Variants in MTERF4 observed in about 807,000 individuals in gnomAD.
MTERF4 encodes transcription termination factor 4, mitochondrial.
Under a neutral mutation model 22.5 loss-of-function variants are expected in MTERF4, and 17 were observed. The ratio of observed to expected loss-of-function variants is 0.75; its 90% CI spans 0.52 to 1.13. The LOEUF (loss-of-function observed/expected upper bound fraction) is 1.13. Ranked by LOEUF, MTERF4 falls within the 50% of genes most tolerant of loss-of-function variation. The pLI, the probability that MTERF4 is intolerant of heterozygous loss-of-function variation, is 0.00. For synonymous variants in MTERF4, 165 were observed against 175.3 expected (o/e 0.94, Z 0.47); for missense variants, 420 against 466.8 (o/e 0.90, Z 0.92).
At chr2:241,095,264 T>C (rs1036091933), downstream of MTERF4, 1 of 152,684 alleles carries the variant, frequency 6.5e-6, no homozygotes, top group African/African-American at 2.4e-5. Flanking sequence ...AGTCTGGCAC[T>C]ACAGACTACA....
chr2:241,049,100 T>G, the MTERF4 span: 2 of 1,612,250 alleles, frequency 1.2e-6, no homozygotes, highest in Non-Finnish European at 1.7e-6. Flanking sequence ...GGGAGCTACC[T>G]CTGCGTCTGC....
chr2:241,053,397 C>A, the MTERF4 span: 1 of 1,447,502 alleles, frequency 6.9e-7, no homozygotes, highest in Non-Finnish European at 9.3e-7. Context: ...TGTGGAGGAG[C>A]ACAGGGGCTG....
downstream of MTERF4, chr2:241,071,929 C>A: frequency 7.1e-7 from 1 of 1,402,284 alleles, no homozygotes; most frequent in Non-Finnish European, 9.9e-7. Context: ...CTCGTCCTCA[C>A]TGCCACTCTC....
chr2:241,076,829 G>C (rs6736847), intron 4 of MTERF4, among the ~76,000 whole-genome samples: 40,161 of 151,902 alleles, frequency 0.26, 7,026 homozygotes, highest in African/African-American at 0.5. Context: ...CAGTGGCTCA[G>C]GCCTGTAATC....
At chr2:241,048,570 G>A in the MTERF4 span, 1 of 1,497,710 alleles carries the variant, frequency 6.7e-7, no homozygotes, top group East Asian at 2.5e-5. Flanking sequence ...CAATTTGTAT[G>A]GGAAGTTGGC....
At chr2:241,046,074 A>T in the MTERF4 span, among the ~76,000 whole-genome samples, 4 of 152,240 alleles carry the variant, frequency 2.6e-5, no homozygotes, top group African/African-American at 7.2e-5. Flanking sequence ...CTTGTCATTA[A>T]TATCAGCCAT....
chr2:241,049,796 C>T, the MTERF4 span: 1 of 1,590,830 alleles, frequency 6.3e-7, no homozygotes, highest in Admixed American at 1.7e-5. Flanking sequence ...TCCAGGACCA[C>T]CCTCTGTCCC....
At chr2:241,068,370 C>T (rs556551306), downstream of MTERF4, among the ~76,000 whole-genome samples, 281 of 151,128 alleles carry the variant, frequency 1.9e-3, 2 homozygotes, top group African/African-American at 6.5e-3. The surrounding 1 kb of genome is among the most constrained non-coding windows in gnomAD (Gnocchi z 5.3). Flanking sequence ...GTAGCAGCCC[C>T]GAGCTCTCCC....
downstream of MTERF4, chr2:241,068,068 C>A: frequency 1.1e-6 from 1 of 947,192 alleles, no homozygotes; most frequent in Non-Finnish European, 1.6e-6. This position sits in a 1 kb window ranked among gnomAD's most constrained non-coding sequence, Gnocchi z 5.3. Flanking sequence ...CCGCTCCTCA[C>A]CTGAGCGGAG....
rs560903070 is a variant in MTERF4, at chr2:241,097,433, G to T, written c.521-6C>A. 1.7e-5 allele frequency: 28 copies of T among 1,604,420 alleles called. No individual in the cohort carries two copies. Among genetic ancestry groups the T allele is most frequent in the Non-Finnish European group, 2.1e-5 (25 of 1,174,996 alleles). ...AAGCACCCTCTTTAATTTCCCTGCA[G>T]AACATTCAAAAAAGGCAAGCATATA... On this transcript the variant is annotated splice_region_variant and splice_polypyrimidine_tract_variant and intron_variant, in intron 2 of 3. Transcript: ENST00000391980.
At chr2:241,062,008 TGGA>T in the MTERF4 span, among the ~76,000 whole-genome samples, 1 of 152,206 alleles carries the variant, frequency 6.6e-6, no homozygotes, top group Non-Finnish European at 1.5e-5. Context: ...ACCTACAGTG[TGGA>T]GTTCTCTTCT....
At chr2:241,081,795 T>A in intron 4 of MTERF4, 1 of 1,574,032 alleles carries the variant, frequency 6.4e-7, no homozygotes, top group Non-Finnish European at 8.6e-7. Context: ...GCGAGCTCGG[T>A]AAGTCGGGGC....
At chr2:241,090,378 G>A, downstream of MTERF4, 1 of 1,550,058 alleles carries the variant, frequency 6.5e-7, no homozygotes, top group South Asian at 1.2e-5. Context: ...GCCTTCTTCT[G>A]GAAACCTCCT....
chr2:241,064,168 G>A, the MTERF4 span: 1 of 1,363,888 alleles, frequency 7.3e-7, no homozygotes, highest in Non-Finnish European at 1.0e-6. The surrounding 1 kb of genome is among the most constrained non-coding windows in gnomAD (Gnocchi z 7.0). Context: ...CTGCCCGCCT[G>A]CTCCCCGCCC....
downstream of MTERF4, chr2:241,082,411 T>C (rs1238828653): frequency 1.4e-6 from 2 of 1,463,370 alleles, no homozygotes; most frequent in East Asian, 2.3e-5. Flanking sequence ...TCGTGTGTTC[T>C]TGACTCCTCA....
At chr2:241,065,014 A>C in the MTERF4 span, 1 of 1,337,392 alleles carries the variant, frequency 7.5e-7, no homozygotes, top group African/African-American at 1.5e-5. Flanking sequence ...CTCTCCCTAG[A>C]GGGCCCAACG....
At position 241,099,822 on chromosome 2, in the gene MTERF4, G is replaced by A. The variant is rs761781566; in HGVS notation, c.94C>T (p.Gln32Ter). ...MARQTPHLGE[Q>*]RRTTASLLRK... Reference sequence around the variant, plus strand: ...AACAAAGAAGCTGTCGTCCTTCTCTGTTCTCCAAGATGAGGAGTCTGCCTA... The same window carrying A: ...AACAAAGAAGCTGTCGTCCTTCTCTATTCTCCAAGATGAGGAGTCTGCCTA... Residue 32 changes from glutamine to a stop codon, truncating the protein, a stop_gained, in exon 2 of 4, where the codon CAG (glutamine) becomes TAG (stop). Transcript: ENST00000391980. LOFTEE classifies it high-confidence loss of function. The A allele has an allele frequency of 1.2e-6, 2 of 1,614,076 alleles. No individual in the cohort carries two copies. The highest frequency in any genetic ancestry group is 1.7e-5 in the Admixed American group (1 of 60,028).
the MTERF4 span, among the ~76,000 whole-genome samples, chr2:241,047,146 CAAAAA>C: frequency 5.1e-4 from 35 of 68,178 alleles, no homozygotes; most frequent in South Asian, 3.7e-3. Context: ...GAGACTCTGT[CAAAAA>C]AAAAAAAAAA....
downstream of MTERF4, chr2:241,092,660 G>A (rs1032415719): frequency 6.6e-6 from 1 of 152,280 alleles, no homozygotes; most frequent in Non-Finnish European, 1.5e-5. This position sits in a 1 kb window ranked among gnomAD's most constrained non-coding sequence, Gnocchi z 4.6. Context: ...CAGTGCAACA[G>A]AGATGGACAC....
Sources: gnomAD v4.1 joint callset for allele counts (sites outside exome capture counted in the v4.1 genomes callset) on GRCh38, gnomAD v4.1.1 for gene constraint, Gnocchi (gnomAD v3.1) non-coding constraint, MANE v1.5 for transcripts, NCBI Gene and HGNC (gene_info 2026-07-23, HGNC 2026-07-21) for gene names.